GPHN: variants seen among roughly 807,000 people sequenced by gnomAD.
The protein encoded by GPHN is gephyrin.
Under a neutral mutation model 95.5 loss-of-function variants are expected in GPHN, and 17 were observed. The ratio of observed to expected loss-of-function variants is 0.18; its 90% CI spans 0.12 to 0.27. GPHN has a LOEUF of 0.27. Ranked by LOEUF, GPHN falls within the 10% of genes least tolerant of loss-of-function variation. The pLI is 1.00. For synonymous variants in GPHN, 320 were observed against 322.5 expected (o/e 0.99, Z 0.08); for missense variants, 660 against 978.1 (o/e 0.67, Z 4.34).
At position 67,045,777 on chromosome 14, in the gene GPHN, G is replaced by GTC. The variant is rs563944184; in HGVS notation, c.1007-12862_1007-12861dup. On this transcript the variant is annotated intron_variant, in intron 10 of 22. Transcript: ENST00000478722. ...TCTCTGTCTCTCTTTCTCTGTCACTGTCTCTCTCTCTGTGCATCTGTCTCT... is the reference window on the plus strand; with the variant it reads ...TCTCTGTCTCTCTTTCTCTGTCACTGTCTCTCTCTCTCTGTGCATCTGTCTCT... Among the ~76,000 whole-genome samples, 5 of 148,380 alleles carry GTC rather than the reference G, an allele frequency of 3.4e-5. No homozygotes were observed. In the South Asian group the frequency reaches 1.1e-3, roughly 32 times the overall value.
At chr14:66,601,430 A>T (rs1311077829) in intron 1 of GPHN, among the ~76,000 whole-genome samples, 1 of 151,964 alleles carries the variant, frequency 6.6e-6, no homozygotes, top group East Asian at 1.9e-4. Flanking sequence ...CATTTTTTAC[A>T]TCAAATACGT....
chr14:67,396,450 T>C, the GPHN span, among the ~76,000 whole-genome samples: 1 of 151,618 alleles, frequency 6.6e-6, no homozygotes, highest in Non-Finnish European at 1.5e-5. Context: ...GCCTGGCCTC[T>C]AAGAGAGTTT....
At chr14:67,726,593 T>G in the GPHN span, among the ~76,000 whole-genome samples, 1 of 152,066 alleles carries the variant, frequency 6.6e-6, no homozygotes, top group Non-Finnish European at 1.5e-5. Flanking sequence ...GCAAAGACTT[T>G]AGGGAGGAGA....
chr14:67,566,820 G>A, the GPHN span, among the ~76,000 whole-genome samples: 3 of 151,978 alleles, frequency 2.0e-5, no homozygotes, highest in African/African-American at 7.3e-5. Flanking sequence ...GAGAGAGGGT[G>A]GAGGAGGAGA....
At chr14:66,748,690 T>C (rs1483204566) in intron 2 of GPHN, among the ~76,000 whole-genome samples, 1 of 152,004 alleles carries the variant, frequency 6.6e-6, no homozygotes, top group Non-Finnish European at 1.5e-5. Flanking sequence ...TATGTGTATA[T>C]ATGTAGTGAG....
At chr14:66,598,806 T>C (rs1243654153) in intron 1 of GPHN, among the ~76,000 whole-genome samples, 4 of 146,386 alleles carry the variant, frequency 2.7e-5, no homozygotes, top group Non-Finnish European at 6.0e-5. Context: ...GCCACTGCAC[T>C]CCAGCCTGGG....
chr14:66,813,302 G>A (rs937246406), intron 3 of GPHN, among the ~76,000 whole-genome samples: 21 of 152,206 alleles, frequency 1.4e-4, no homozygotes, highest in Admixed American at 9.8e-4. Flanking sequence ...ACACAGACAA[G>A]TGGAACAGCT....
At chr14:67,036,175 A>T (rs2074411495) in intron 10 of GPHN, among the ~76,000 whole-genome samples, 1 of 151,822 alleles carries the variant, frequency 6.6e-6, no homozygotes. Context: ...AAATTCAGCA[A>T]CCTTTCGTGA....
intron 1 of GPHN, among the ~76,000 whole-genome samples, chr14:66,559,025 A>G (rs2078160091): frequency 6.6e-6 from 1 of 151,996 alleles, no homozygotes; most frequent in Admixed American, 6.6e-5. Context: ...ACTGAGAATG[A>G]TGATTTCCAA....
chr14:66,904,065 A>AT (rs1334746391), intron 5 of GPHN, among the ~76,000 whole-genome samples: 2 of 152,100 alleles, frequency 1.3e-5, no homozygotes, highest in Non-Finnish European at 2.9e-5. Context: ...ATTCGCCTTC[A>AT]TACTGGAGTT....
rs1477604227 is a variant in GPHN at position 67,103,801 on chromosome 14, C to A, written c.1293+2890C>A. Among the ~76,000 whole-genome samples, 3 of 152,080 alleles carry A rather than the reference C, an allele frequency of 2.0e-5. No homozygotes were observed. The East Asian group carries it at 5.8e-4, about 29-fold the overall frequency. On this transcript the variant is annotated intron_variant, in intron 13 of 22. Coordinates refer to ENST00000478722, the MANE Select transcript of GPHN (RefSeq NM_020806.5). Reference sequence around the variant, plus strand: ...TTTTAGGGTTTTCTATATATAAGATCATGTTATCTGCAAACAGGGACAATC... The same window carrying A: ...TTTTAGGGTTTTCTATATATAAGATAATGTTATCTGCAAACAGGGACAATC...
the GPHN span, among the ~76,000 whole-genome samples, chr14:67,708,585 A>C: frequency 1.3e-5 from 2 of 152,326 alleles, no homozygotes; most frequent in Non-Finnish European, 2.9e-5. Flanking sequence ...CATAACAATT[A>C]TAATTATTAC....
chr14:66,882,874 A>G (rs2063994773), intron 5 of GPHN, among the ~76,000 whole-genome samples: 1 of 151,458 alleles, frequency 6.6e-6, no homozygotes, highest in Non-Finnish European at 1.5e-5. Context: ...AAAAAGTAAA[A>G]TAAAATATGA....
intron 8 of GPHN, among the ~76,000 whole-genome samples, chr14:66,964,154 G>T (rs574387412): frequency 2.0e-5 from 3 of 152,096 alleles, no homozygotes; most frequent in African/African-American, 7.2e-5. Flanking sequence ...TACAGTATTA[G>T]TCTTTATGTT....
chr14:67,347,496 T>A, the GPHN span: 2 of 1,425,110 alleles, frequency 1.4e-6, no homozygotes, highest in Non-Finnish European at 1.9e-6. Context: ...AACCTTTAAG[T>A]TCTCTCTTTT....
Position 66,508,329 on chromosome 14 carries a change from G to T in GPHN, c.-199G>T. ...CGCCCTGACTCCTTCCCCTCCCGCG[G>T]ACCCGCGCACTCCCGGCGCGGCCTC... On this transcript the variant is annotated 5_prime_UTR_variant, in exon 1 of 23. Coordinates refer to ENST00000478722, the MANE Select transcript of GPHN (RefSeq NM_020806.5). 5 of 618,358 alleles carry T rather than the reference G, an allele frequency of 8.1e-6. No individual in the cohort carries two copies. In the South Asian group the frequency reaches 9.3e-5, roughly 12 times the overall value. The allele number at this position is 618,358 out of a possible 1,614,324, so 38.3% of individuals were successfully genotyped here. A position where few individuals can be genotyped will look rare whatever the true frequency, so the allele number is the denominator to read the frequency against.
chr14:67,199,871 C>CA, the GPHN span: 1 of 1,491,628 alleles, frequency 6.7e-7, no homozygotes, highest in Non-Finnish European at 9.0e-7. Flanking sequence ...CCTGGGGCTG[C>CA]AGGACATGGC....
chr14:66,605,213 C>A (rs2062464918), intron 1 of GPHN, among the ~76,000 whole-genome samples: 1 of 151,878 alleles, frequency 6.6e-6, no homozygotes, highest in Non-Finnish European at 1.5e-5. Flanking sequence ...TGGGTATATA[C>A]CCAGTAATGG....
the GPHN span, among the ~76,000 whole-genome samples, chr14:67,664,881 T>C: frequency 6.6e-6 from 1 of 152,110 alleles, no homozygotes; most frequent in Non-Finnish European, 1.5e-5. Context: ...ACCTGGCTTT[T>C]TTTGAGACTG....
Sources: allele counts gnomAD v4.1 joint callset (sites outside exome capture counted in the v4.1 genomes callset), GRCh38; gene constraint gnomAD v4.1.1; transcripts MANE v1.5; gene names NCBI Gene and HGNC (gene_info 2026-07-23, HGNC 2026-07-21).